NAA60: variants seen among roughly 807,000 people sequenced by gnomAD.
NAA60 encodes N-alpha-acetyltransferase 60.
Under a neutral mutation model 26.1 loss-of-function variants are expected in NAA60, and 8 were observed. That is an observed-to-expected ratio of 0.31 (90% confidence interval 0.18 to 0.55). The LOEUF (loss-of-function observed/expected upper bound fraction) is 0.55. Ranked by LOEUF, NAA60 falls within the 20% of genes least tolerant of loss-of-function variation. The pLI is 0.93. For synonymous variants in NAA60, 131 were observed against 122.5 expected (o/e 1.07, Z -0.46); for missense variants, 290 against 311.3 (o/e 0.93, Z 0.51).
intron 4 of NAA60, among the ~76,000 whole-genome samples, chr16:3,480,314 G>A (rs976838839): frequency 2.0e-5 from 3 of 152,162 alleles, no homozygotes; most frequent in African/African-American, 7.2e-5. Flanking sequence ...GTTAGAGAAG[G>A]GGCCGGGCGC....
intron 1 of NAA60, among the ~76,000 whole-genome samples, chr16:3,447,077 G>C (rs894519491): frequency 8.5e-5 from 13 of 152,338 alleles, no homozygotes; most frequent in Non-Finnish European, 1.8e-4. Context: ...TCCTGACCTT[G>C]TGATCTGCCC....
chr16:3,462,086 C>CTAAAAA (rs2035437617), intron 2 of NAA60, among the ~76,000 whole-genome samples: 1 of 76,802 alleles, frequency 1.3e-5, no homozygotes, highest in African/African-American at 5.3e-5. Flanking sequence ...GACCTTATAT[C>CTAAAAA]AAAAAAAAAA....
At chr16:3,482,454 C>CGT (rs2036898050) in intron 4 of NAA60, 48 bp from the exon 5 acceptor site, 1 of 1,456,004 alleles carries the variant, frequency 6.9e-7, no homozygotes, top group South Asian at 1.2e-5. Flanking sequence ...TGCAGTGAGC[C>CGT]GTGCACCAGA....
At chr16:3,466,359 TC>T (rs2035762035) in intron 2 of NAA60, among the ~76,000 whole-genome samples, 1 of 152,240 alleles carries the variant, frequency 6.6e-6, no homozygotes, top group Admixed American at 6.5e-5. Flanking sequence ...GATTCATTTT[TC>T]TGCTGCTCTG....
At chr16:3,469,649 C>T (rs975543436) in intron 2 of NAA60, among the ~76,000 whole-genome samples, 7 of 151,952 alleles carry the variant, frequency 4.6e-5, no homozygotes, top group African/African-American at 1.4e-4. Flanking sequence ...TTGGAGGGCT[C>T]AGAGCAGAGA....
chr16:3,464,305 G>T (rs1242186893), intron 2 of NAA60, among the ~76,000 whole-genome samples: 1 of 152,132 alleles, frequency 6.6e-6, no homozygotes, highest in Non-Finnish European at 1.5e-5. Flanking sequence ...GAGCCACCAC[G>T]CCCAGCTAGA....
intron 2 of NAA60, among the ~76,000 whole-genome samples, chr16:3,470,354 T>C (rs1346826077): frequency 6.6e-6 from 1 of 152,134 alleles, no homozygotes; most frequent in African/African-American, 2.4e-5. Flanking sequence ...GGAATGGAAC[T>C]CGCTATTCCC....
chr16:3,484,637 G>A, intron 6 of NAA60, 62 bp from the exon 7 acceptor site: 9 of 1,545,352 alleles, frequency 5.8e-6, no homozygotes, highest in Non-Finnish European at 7.9e-6. Context: ...GCGGGCCCCT[G>A]ATGACTGTGC....
chr16:3,464,620 G>T (rs528428785), intron 2 of NAA60, among the ~76,000 whole-genome samples: 1 of 152,140 alleles, frequency 6.6e-6, no homozygotes, highest in Admixed American at 6.5e-5. Context: ...CTTAAACAGG[G>T]TCCAGTCTTG....
At position 3,482,257 on chromosome 16, in the gene NAA60, A is replaced by G. The variant is rs374037055; in HGVS notation, c.241-245A>G. Among the ~76,000 whole-genome samples the G allele has an allele frequency of 4.6e-5, 7 of 152,124 alleles. No individual in the cohort carries two copies. The East Asian group carries it at 1.4e-3, about 29-fold the overall frequency. On this transcript the variant is annotated intron_variant, in intron 4 of 7. Transcript: ENST00000407558. ...CCGTCCTTGGCTAGGCCTCCCACACACCCCTAGGAGAAGCTCCTTTTGTGT... is the reference window on the plus strand; with the variant it reads ...CCGTCCTTGGCTAGGCCTCCCACACGCCCCTAGGAGAAGCTCCTTTTGTGT...
chr16:3,445,804 G>GA (rs139995998), intron 1 of NAA60, among the ~76,000 whole-genome samples: 3,171 of 152,150 alleles, frequency 0.021, 71 homozygotes, highest in Non-Finnish European at 0.035. Context: ...AATGGGAGAG[G>GA]AAAAAATCTT....
intron 4 of NAA60, 93 bp downstream of exon 4, chr16:3,479,693 C>G (rs1032343409): frequency 1.4e-6 from 2 of 1,467,288 alleles, no homozygotes; most frequent in East Asian, 4.7e-5. Context: ...GCTCCACAGC[C>G]GTCGTCCAAG....
intron 1 of NAA60, 118 bp downstream of exon 1, chr16:3,443,955 C>T (rs1214793419): frequency 1.9e-5 from 27 of 1,390,858 alleles, no homozygotes; most frequent in Admixed American, 3.0e-5. Flanking sequence ...GTGTCTTGAG[C>T]GGATGGTGGG....
intron 2 of NAA60, among the ~76,000 whole-genome samples, chr16:3,461,093 A>T (rs1047651027): frequency 3.9e-5 from 6 of 152,096 alleles, no homozygotes; most frequent in Non-Finnish European, 8.8e-5. Flanking sequence ...ATGACCTCTG[A>T]TAGGAGGCTG....
chr16:3,462,098 A>C (rs1174082163), intron 2 of NAA60, among the ~76,000 whole-genome samples: 5 of 151,736 alleles, frequency 3.3e-5, no homozygotes, highest in South Asian at 2.1e-4. Flanking sequence ...AAAAAAAAAA[A>C]AAAAAAACCT....
chr16:3,443,888 A>C, intron 1 of NAA60, 51 bp downstream of exon 1: 3 of 1,502,688 alleles, frequency 2.0e-6, no homozygotes, highest in Non-Finnish European at 2.7e-6. Context: ...GTCTGGCCAG[A>C]GCAAGGTGAT....
intron 1 of NAA60, among the ~76,000 whole-genome samples, chr16:3,445,032 A>G (rs945425478): frequency 6.6e-6 from 1 of 152,236 alleles, no homozygotes; most frequent in Admixed American, 6.5e-5. Flanking sequence ...ACAGCTAACT[A>G]AGAGCTAGAC....
chr16:3,467,159 C>T (rs1042295522), intron 2 of NAA60, among the ~76,000 whole-genome samples: 1 of 152,154 alleles, frequency 6.6e-6, no homozygotes. Context: ...GCGTCTCATG[C>T]AGCCTTCCCA....
rs1402093688 is a variant in NAA60 at position 3,476,097 on chromosome 16, G to A, written c.-6-125G>A. 4.5e-6 allele frequency: 3 copies of A among 670,644 alleles called. No homozygotes were observed. In the East Asian group the frequency reaches 8.6e-5, roughly 19 times the overall value. The allele number at this position is 670,644 out of a possible 1,614,324, so 41.5% of individuals were successfully genotyped here. Reference sequence around the variant, plus strand: ...GATCGTGAGAGGCAGAGGCCTCTGAGTGCTGGCTGAGGGGTGTCCACCCGT... The same window carrying A: ...GATCGTGAGAGGCAGAGGCCTCTGAATGCTGGCTGAGGGGTGTCCACCCGT... On this transcript the variant is annotated intron_variant, in intron 2 of 7. Coordinates refer to ENST00000407558, the MANE Select transcript of NAA60 (RefSeq NM_001083601.3).
Sources: gnomAD v4.1 joint callset for allele counts (sites outside exome capture counted in the v4.1 genomes callset) on GRCh38, gnomAD v4.1.1 for gene constraint, MANE v1.5 for transcripts, NCBI Gene and HGNC (gene_info 2026-07-23, HGNC 2026-07-21) for gene names.